KCNH7: variants seen among roughly 807,000 people sequenced by gnomAD.
KCNH7 encodes the protein potassium voltage-gated channel subfamily H member 7, also known as voltage-gated inwardly rectifying potassium channel KCNH7.
KCNH7 carries 49 observed loss-of-function variants against 120.8 expected under a neutral mutation model. The ratio of observed to expected loss-of-function variants is 0.41; its 90% CI spans 0.32 to 0.51. The LOEUF is 0.51. KCNH7 is among the 20% of genes least tolerant of loss of function. The pLI is 0.38. For missense variants in KCNH7, 1,097 were observed against 1,446.6 expected (o/e 0.76, Z 3.92); for synonymous variants, 547 against 516.1 (o/e 1.06, Z -0.81).
intron 8 of KCNH7, among the ~76,000 whole-genome samples, chr2:162,424,497 A>C (rs912343038): frequency 6.6e-6 from 1 of 152,234 alleles, no homozygotes; most frequent in African/African-American, 2.4e-5. Flanking sequence ...GAGATATGGT[A>C]ACATATGTTT....
chr2:162,782,876 A>G (rs1683552237), intron 2 of KCNH7, among the ~76,000 whole-genome samples: 1 of 152,160 alleles, frequency 6.6e-6, no homozygotes, highest in Non-Finnish European at 1.5e-5. Flanking sequence ...CCTCCCCTTC[A>G]AATTATTATA....
intron 3 of KCNH7, among the ~76,000 whole-genome samples, chr2:162,522,047 C>G (rs554282436): frequency 1.3e-5 from 2 of 151,968 alleles, no homozygotes; most frequent in East Asian, 3.9e-4. Flanking sequence ...TAAGAGTAAC[C>G]AATCTGCGCA....
chr2:162,770,796 C>T (rs1683021051), intron 2 of KCNH7, among the ~76,000 whole-genome samples: 1 of 152,080 alleles, frequency 6.6e-6, no homozygotes, highest in South Asian at 2.1e-4. Context: ...AGGCTCCAGA[C>T]TTGAATTTCC....
intron 5 of KCNH7, among the ~76,000 whole-genome samples, chr2:162,511,595 G>T (rs1209809580): frequency 1.3e-5 from 2 of 151,462 alleles, no homozygotes; most frequent in Non-Finnish European, 3.0e-5. Context: ...GGGTGGGTTT[G>T]GGGGGATACT....
rs901865599 is a variant in KCNH7, at chr2:162,533,153, A to G, written c.463+3772T>C. Among the ~76,000 whole-genome samples, 3 of 151,790 alleles carry G rather than the reference A, an allele frequency of 2.0e-5. No individual in the cohort carries two copies. The East Asian group carries it at 5.8e-4, about 29-fold the overall frequency. ...ATTTTCTTATAAAGATAACTGTTGGAAAAAAATATAAATTTTCCCAAATAC... is the reference window on the plus strand; with the variant it reads ...ATTTTCTTATAAAGATAACTGTTGGGAAAAAATATAAATTTTCCCAAATAC... On this transcript the variant is annotated intron_variant, in intron 3 of 15. Coordinates refer to ENST00000332142, the MANE Select transcript of KCNH7 (RefSeq NM_033272.4).
intron 2 of KCNH7, among the ~76,000 whole-genome samples, chr2:162,815,051 CTAAG>C (rs1163414481): frequency 1.3e-5 from 2 of 152,118 alleles, no homozygotes; most frequent in East Asian, 3.9e-4. Context: ...CCCCCAATAA[CTAAG>C]TAACAAATAT....
chr2:162,502,273 G>A (rs1004730888), intron 6 of KCNH7: 28 of 151,988 alleles, frequency 1.8e-4, no homozygotes, highest in Admixed American at 1.4e-3. Flanking sequence ...TAAGGCCCTC[G>A]TGATGTAGGG....
intron 2 of KCNH7, among the ~76,000 whole-genome samples, chr2:162,736,614 T>C (rs541129873): frequency 2.0e-5 from 3 of 152,204 alleles, no homozygotes; most frequent in Admixed American, 2.0e-4. Context: ...TTATAGGTGA[T>C]GTGATGCCTT....
At chr2:162,837,937 A>T (rs1000762323) in intron 1 of KCNH7, among the ~76,000 whole-genome samples, 1 of 152,232 alleles carries the variant, frequency 6.6e-6, no homozygotes, top group African/African-American at 2.4e-5. Context: ...GATTCAATAC[A>T]AAATTTAGCT....
intron 6 of KCNH7, 50 bp from the exon 7 acceptor site, chr2:162,446,493 TCTGGTAAAC>T: frequency 7.3e-7 from 1 of 1,361,754 alleles, no homozygotes; most frequent in Non-Finnish European, 1.0e-6. Flanking sequence ...CCATTTTTAA[TCTGGTAAAC>T]CTATCAAATA....
chr2:162,600,501 C>T (rs981282411), intron 2 of KCNH7, among the ~76,000 whole-genome samples: 3 of 152,060 alleles, frequency 2.0e-5, no homozygotes, highest in African/African-American at 7.2e-5. Flanking sequence ...TATTTAGGAA[C>T]ATTTTATCTT....
At chr2:162,384,166 T>C (rs1227317443) in intron 13 of KCNH7, among the ~76,000 whole-genome samples, 1 of 151,956 alleles carries the variant, frequency 6.6e-6, no homozygotes, top group African/African-American at 2.4e-5. Flanking sequence ...GGGTATTCCT[T>C]TTGGAAATAA....
chr2:162,712,145 T>A (rs150595903), intron 2 of KCNH7, among the ~76,000 whole-genome samples: 1 of 152,312 alleles, frequency 6.6e-6, no homozygotes, highest in East Asian at 1.9e-4. Flanking sequence ...GTTTTTCCTC[T>A]CATATTTTTA....
At chr2:162,728,993 T>A (rs761874120) in intron 2 of KCNH7, among the ~76,000 whole-genome samples, 14 of 141,594 alleles carry the variant, frequency 9.9e-5, no homozygotes, top group Non-Finnish European at 2.2e-4. Flanking sequence ...AAGGTTCAAG[T>A]TTTTTTTTTA....
chr2:162,530,321 T>A (rs950455106), intron 3 of KCNH7, among the ~76,000 whole-genome samples: 1 of 152,046 alleles, frequency 6.6e-6, no homozygotes, highest in Non-Finnish European at 1.5e-5. Context: ...TGTAGTCATG[T>A]CACATCTTTT....
rs553803956 is a variant in KCNH7, at chr2:162,665,248, A to G, written c.308-128168T>C. 2.0e-5 allele frequency among the ~76,000 whole-genome samples: 3 copies of G among 152,232 alleles called. No homozygotes were observed. In the East Asian group the frequency reaches 5.8e-4, roughly 29 times the overall value. On this transcript the variant is annotated intron_variant, in intron 2 of 15. Coordinates refer to ENST00000332142, the MANE Select transcript of KCNH7 (RefSeq NM_033272.4). ...ATCACACAAGTCATGTCAAATTGCA[A>G]TTTGTATTCTTTTATTGTCTTACCA...
chr2:162,417,707 G>T (rs539317693), intron 9 of KCNH7, among the ~76,000 whole-genome samples: 1 of 152,228 alleles, frequency 6.6e-6, no homozygotes, highest in Admixed American at 6.6e-5. Context: ...AACTCACTTT[G>T]CATAGAAGCA....
chr2:162,803,471 G>A (rs1684419203), intron 2 of KCNH7, among the ~76,000 whole-genome samples: 1 of 151,820 alleles, frequency 6.6e-6, no homozygotes, highest in African/African-American at 2.4e-5. Flanking sequence ...TTTTACAGAT[G>A]AGGAAAGTGA....
intron 2 of KCNH7, among the ~76,000 whole-genome samples, chr2:162,812,135 G>C (rs1684751634): frequency 6.6e-6 from 1 of 152,066 alleles, no homozygotes; most frequent in Non-Finnish European, 1.5e-5. Flanking sequence ...GTTTTCAAAA[G>C]CTTGATAAGT....
Sources: allele counts gnomAD v4.1 joint callset (sites outside exome capture counted in the v4.1 genomes callset), GRCh38; gene constraint gnomAD v4.1.1; transcripts MANE v1.5; gene names NCBI Gene and HGNC (gene_info 2026-07-23, HGNC 2026-07-21).